The following NTNG1 variants were observed in gnomAD, a reference collection of about 807,000 sequenced individuals.
NTNG1 encodes the protein netrin G1, also known as netrin-G1.
NTNG1 carries 16 observed loss-of-function variants against 54.0 expected under a neutral mutation model. The ratio of observed to expected loss-of-function variants is 0.30; its 90% CI spans 0.20 to 0.45. The LOEUF is 0.45. Among genes scored for constraint, NTNG1 ranks in the 20% least tolerant of loss-of-function variants. The pLI, the probability that NTNG1 is intolerant of heterozygous loss-of-function variation, is 1.00. For synonymous variants in NTNG1, 255 were observed against 263.1 expected (o/e 0.97, Z 0.30); for missense variants, 530 against 678.7 (o/e 0.78, Z 2.43).
chr1:107,438,385 G>A (rs1675743826), intron 7 of NTNG1, among the ~76,000 whole-genome samples: 1 of 152,196 alleles, frequency 6.6e-6, no homozygotes, highest in Non-Finnish European at 1.5e-5. Flanking sequence ...AGTCTTGCAT[G>A]CTGTTGTTTT....
chr1:107,472,336 A>G (rs567054590), intron 7 of NTNG1, among the ~76,000 whole-genome samples: 1 of 152,220 alleles, frequency 6.6e-6, no homozygotes, highest in African/African-American at 2.4e-5. Context: ...CTTCAAAATG[A>G]TAGGCTTTCC....
At chr1:107,193,696 A>C (rs916204758) in intron 2 of NTNG1, among the ~76,000 whole-genome samples, 3 of 151,910 alleles carry the variant, frequency 2.0e-5, no homozygotes, top group South Asian at 2.1e-4. Context: ...TATATTTTTA[A>C]TGCCACCGTC....
intron 2 of NTNG1, among the ~76,000 whole-genome samples, chr1:107,279,821 C>T (rs755106047): frequency 6.6e-6 from 1 of 152,070 alleles, no homozygotes; most frequent in Non-Finnish European, 1.5e-5. Flanking sequence ...GGTGGGGTCT[C>T]TCTCTGTTGC....
intron 2 of NTNG1, among the ~76,000 whole-genome samples, chr1:107,295,980 T>G (rs528998430): frequency 6.6e-6 from 1 of 152,240 alleles, no homozygotes; most frequent in South Asian, 2.1e-4. Flanking sequence ...CTTATTTTCT[T>G]CTAACCTCTT....
chr1:107,446,343 T>C (rs879659801), intron 7 of NTNG1, among the ~76,000 whole-genome samples: 1 of 152,066 alleles, frequency 6.6e-6, no homozygotes, highest in Non-Finnish European at 1.5e-5. Context: ...AATCAGCAAC[T>C]AATGAAAGAG....
chr1:107,286,001 A>G (rs991265647), intron 2 of NTNG1, among the ~76,000 whole-genome samples: 5 of 152,200 alleles, frequency 3.3e-5, no homozygotes, highest in African/African-American at 1.2e-4. Flanking sequence ...AAGGAAACAC[A>G]TCAAAGAGAC....
intron 7 of NTNG1, among the ~76,000 whole-genome samples, chr1:107,445,381 A>G (rs1676246418): frequency 1.3e-5 from 2 of 152,122 alleles, no homozygotes; most frequent in Admixed American, 1.3e-4. Flanking sequence ...TGGTCCCATC[A>G]GTTTACATAT....
chr1:107,227,682 T>G (rs187224659), intron 2 of NTNG1, among the ~76,000 whole-genome samples: 48 of 148,648 alleles, frequency 3.2e-4, no homozygotes, highest in Non-Finnish European at 5.0e-4. Context: ...TCTCTCTCTC[T>G]CTCTCTCACA....
intron 2 of NTNG1, among the ~76,000 whole-genome samples, chr1:107,154,703 G>T (rs1299131530): frequency 6.7e-6 from 1 of 149,924 alleles, no homozygotes; most frequent in Non-Finnish European, 1.5e-5. Flanking sequence ...TCTTCTATCT[G>T]GCAGATATAG....
intron 2 of NTNG1, among the ~76,000 whole-genome samples, chr1:107,264,149 C>T (rs554792334): frequency 1.2e-4 from 18 of 152,152 alleles, no homozygotes; most frequent in African/African-American, 3.9e-4. Context: ...CACACACACA[C>T]GCCCACAAAC....
At chr1:107,270,034 C>A (rs550733165) in intron 2 of NTNG1, among the ~76,000 whole-genome samples, 1 of 152,280 alleles carries the variant, frequency 6.6e-6, no homozygotes, top group Admixed American at 6.5e-5. Flanking sequence ...TGAAAAATAT[C>A]ATCAACTGCC....
chr1:107,209,930 T>C (rs1659493554), intron 2 of NTNG1, among the ~76,000 whole-genome samples: 1 of 152,010 alleles, frequency 6.6e-6, no homozygotes, highest in Non-Finnish European at 1.5e-5. Context: ...CTCCAGGTTT[T>C]GTTTAAATTG....
chr1:107,475,144 T>A (rs906176844), intron 7 of NTNG1, among the ~76,000 whole-genome samples: 2 of 152,188 alleles, frequency 1.3e-5, no homozygotes, highest in African/African-American at 2.4e-5. Flanking sequence ...GCAGAGCACT[T>A]AGTCAATACA....
Position 107,149,826 on chromosome 1 carries a change from A to G in NTNG1, c.246+987A>G, listed in dbSNP as rs868480101. ...AAGAACTGCGATCCTGTTTTTCTCCACATAACAGATATAATTGTATGGCAG... is the reference window on the plus strand; with the variant it reads ...AAGAACTGCGATCCTGTTTTTCTCCGCATAACAGATATAATTGTATGGCAG... On this transcript the variant is annotated intron_variant, in intron 2 of 7. Transcript: ENST00000370068. Among the ~76,000 whole-genome samples, 7 of 152,108 alleles carry G rather than the reference A, an allele frequency of 4.6e-5. No homozygotes were observed. The South Asian group carries it at 1.5e-3, about 32-fold the overall frequency.
At chr1:107,309,662 T>A (rs532959631) in intron 2 of NTNG1, among the ~76,000 whole-genome samples, 1 of 152,156 alleles carries the variant, frequency 6.6e-6, no homozygotes, top group African/African-American at 2.4e-5. Context: ...ACTTCCAACA[T>A]TGGACTCAAC....
At chr1:107,242,004 G>A (rs1570938306) in intron 2 of NTNG1, among the ~76,000 whole-genome samples, 2 of 152,306 alleles carry the variant, frequency 1.3e-5, no homozygotes, top group African/African-American at 4.8e-5. Context: ...CGGGCATGGT[G>A]GCTCATACCT....
At chr1:107,337,278 AC>A (rs1260838814) in intron 3 of NTNG1, among the ~76,000 whole-genome samples, 2 of 152,052 alleles carry the variant, frequency 1.3e-5, no homozygotes, top group African/African-American at 4.8e-5. Flanking sequence ...TTATTTAGCC[AC>A]AAAAAGGAAA....
At chr1:107,181,522 A>G (rs1045706973) in intron 2 of NTNG1, among the ~76,000 whole-genome samples, 3 of 17,434 alleles carry the variant, frequency 1.7e-4, no homozygotes, top group African/African-American at 3.6e-4. Context: ...CCTTGATAAC[A>G]TTTTTTTCTT....
At chr1:107,428,905 GTAT>G (rs1012911322) in intron 5 of NTNG1, among the ~76,000 whole-genome samples, 1 of 152,178 alleles carries the variant, frequency 6.6e-6, no homozygotes, top group African/African-American at 2.4e-5. Context: ...ATTGGTGGTA[GTAT>G]TATTATTCAC....
Sources: gnomAD v4.1 joint callset for allele counts (sites outside exome capture counted in the v4.1 genomes callset) on GRCh38, gnomAD v4.1.1 for gene constraint, MANE v1.5 for transcripts, NCBI Gene and HGNC (gene_info 2026-07-23, HGNC 2026-07-21) for gene names.